Variants in ARID5A observed in about 807,000 individuals in gnomAD.
ARID5A encodes AT-rich interactive domain-containing protein 5A.
Under a neutral mutation model 30.5 loss-of-function variants are expected in ARID5A, and 14 were observed. The ratio of observed to expected loss-of-function variants is 0.46; its 90% CI spans 0.30 to 0.72. ARID5A has a LOEUF of 0.72. ARID5A is among the 30% of genes least tolerant of loss of function. The probability of loss-of-function intolerance (pLI) is 0.07; values close to 1 mark genes in which losing one functional copy is unlikely to be tolerated. For missense variants in ARID5A, 669 were observed against 786.2 expected, an observed-to-expected ratio of 0.85 and a Z score of 1.78; for synonymous variants, 338 against 340.4, an observed-to-expected ratio of 0.99 and a Z score of 0.08.
rs2065741126 is a variant in ARID5A, at chr2:96,536,845, G to A, written c.4+15G>A. ...CCGGGCCATGGGTAAGCGGCTCTGC[G>A]GCGCGGCCCGGACAGGGGCTCGGCG... On this transcript the variant is annotated intron_variant, in intron 1 of 6. Coordinates refer to ENST00000357485, the MANE Select transcript of ARID5A (RefSeq NM_212481.3). 8.2e-7 allele frequency: 1 copy of A among 1,226,522 alleles called. No individual in the cohort carries two copies. Among genetic ancestry groups the A allele is most frequent in the Non-Finnish European group, 1.0e-6 (1 of 984,444 alleles). The allele number at this position is 1,226,522 out of a possible 1,614,324, so 76.0% of individuals were successfully genotyped here. A position where few individuals can be genotyped will look rare whatever the true frequency, so the allele number is the denominator to read the frequency against.
intron 6 of ARID5A, 29 bp from the exon 7 acceptor site, chr2:96,551,070 T>C: frequency 6.3e-7 from 1 of 1,590,870 alleles, no homozygotes; most frequent in Admixed American, 1.7e-5. Context: ...GCTGAGGCAG[T>C]CCTGAGGCAA....
At chr2:96,536,909 C>A (rs990787300) in intron 1 of ARID5A, 79 bp downstream of exon 1, 1 of 1,221,452 alleles carries the variant, frequency 8.2e-7, no homozygotes. Flanking sequence ...GCCGGGTCCC[C>A]TCCAGCCCTC....
rs2065772435 is a variant in ARID5A, at chr2:96,537,989, G to A, written c.4+1159G>A. 2.0e-6 allele frequency: 2 copies of A among 985,374 alleles called. No individual in the cohort carries two copies. Among genetic ancestry groups the A allele is most frequent in the African/African-American group, 3.5e-5 (2 of 57,234 alleles). The allele number at this position is 985,374 out of a possible 1,614,324, so 61.0% of individuals were successfully genotyped here. On this transcript the variant is annotated intron_variant, in intron 1 of 6. Coordinates refer to ENST00000357485, the MANE Select transcript of ARID5A (RefSeq NM_212481.3). This position sits in a 1 kb window ranked among gnomAD's most constrained non-coding sequence, Gnocchi z 4.8. ...CCCACACGCACGGTGGCGTCACTGCGCCTACAGGCAACGCTAGAGCACAGG... is the reference window on the plus strand; with the variant it reads ...CCCACACGCACGGTGGCGTCACTGCACCTACAGGCAACGCTAGAGCACAGG...
chr2:96,536,916 C>T, intron 1 of ARID5A, 86 bp downstream of exon 1: 1 of 1,219,190 alleles, frequency 8.2e-7, no homozygotes, highest in Non-Finnish European at 1.0e-6. Context: ...CCCCTCCAGC[C>T]CTCGTGGCAG....
rs1046576050 is a variant in ARID5A at position 96,536,812 on chromosome 2, G to C, written c.-15G>C. On this transcript the variant is annotated 5_prime_UTR_variant, in exon 1 of 7. Transcript: ENST00000357485. ...TGAGGGTCTCGGGGCGGGCGCCGCG[G>C]GACCTCTCCGGGCCATGGGTAAGCG... The C allele has an allele frequency of 4.9e-6, 6 of 1,227,160 alleles. No homozygotes were observed. The Admixed American group carries it at 1.3e-4, about 26-fold the overall frequency. 76.0% of individuals were successfully genotyped at this position (1,227,160 alleles called of 1,614,324 possible).
chr2:96,551,352 G>A lies in ARID5A; in HGVS notation c.824G>A (p.Cys275Tyr). The A allele has an allele frequency of 6.2e-7, 1 of 1,613,084 alleles. No individual in the cohort carries two copies. The highest frequency in any genetic ancestry group is 1.1e-5 in the South Asian group (1 of 91,088). ...AQVSKVEALQ[C>Y]QEEGCRHGAE... ...GTGAGCAAGGTGGAGGCCTTGCAGTGCCAGGAGGAGGGCTGCCGCCATGGG... is the reference window on the plus strand; with the variant it reads ...GTGAGCAAGGTGGAGGCCTTGCAGTACCAGGAGGAGGGCTGCCGCCATGGG... The change falls in exon 7 of 7, where the codon TGC (cysteine) becomes TAC (tyrosine). Residue 275 changes from cysteine to tyrosine, a missense_variant. Transcript: ENST00000357485.
Position 96,550,103 on chromosome 2 carries a change from A to C in ARID5A, c.313-85A>C. The C allele has an allele frequency of 2.0e-6, 3 of 1,531,670 alleles. No individual in the cohort carries two copies. The highest frequency in any genetic ancestry group is 2.7e-5 in the African/African-American group (2 of 72,948). The allele number at this position is 1,531,670 out of a possible 1,614,324, so 94.9% of individuals were successfully genotyped here. A position where few individuals can be genotyped will look rare whatever the true frequency, so the allele number is the denominator to read the frequency against. ...GCAGCTGCCAAACTGCAGTCCTTCG[A>C]GTCCCTGCGAGGGCGGCCGGAGCTG... On this transcript the variant is annotated intron_variant, in intron 4 of 6. Transcript: ENST00000357485. This position sits in a 1 kb window ranked among gnomAD's most constrained non-coding sequence, Gnocchi z 6.6.
chr2:96,547,401 G>A lies in ARID5A; in HGVS notation c.5-1G>A. 2 of 1,613,314 alleles carry A rather than the reference G, an allele frequency of 1.2e-6. No individual in the cohort carries two copies. The highest frequency in any genetic ancestry group is 1.7e-6 in the Non-Finnish European group (2 of 1,179,584). On this transcript the variant is annotated splice_acceptor_variant, in intron 1 of 6. Transcript: ENST00000357485. LOFTEE classifies it high-confidence loss of function. ...CTTACTCCTTCCCTCTCTCCTTGCAGCAGCCCCTGTCAAAGGGAACAGGAA... is the reference window on the plus strand; with the variant it reads ...CTTACTCCTTCCCTCTCTCCTTGCAACAGCCCCTGTCAAAGGGAACAGGAA...
chr2:96,551,135 C>G lies in ARID5A; in HGVS notation c.607C>G (p.Pro203Ala). ...PGKTKADAAD[P>A]APLPSQEPPR... is the part of the protein sequence containing the mutation. ...AAAGACCAAAGCAGATGCTGCTGACCCAGCACCACTTCCCAGCCAGGAGCC... is the reference window on the plus strand; with the variant it reads ...AAAGACCAAAGCAGATGCTGCTGACGCAGCACCACTTCCCAGCCAGGAGCC... The change falls in exon 7 of 7, where the codon CCA (proline) becomes GCA (alanine). Residue 203 changes from proline (P) to alanine (A), a missense_variant. This residue lies in a region of ARID5A where 548 missense variants were observed against 577.4 expected (regional missense o/e 0.95). Transcript: ENST00000357485. The G allele has an allele frequency of 6.2e-7, 1 of 1,613,476 alleles. No individual in the cohort carries two copies. Among genetic ancestry groups the G allele is most frequent in the Non-Finnish European group, 8.5e-7 (1 of 1,179,788 alleles).
Position 96,552,610 on chromosome 2 carries a change from A to C in ARID5A, c.*297A>C. 7.0e-7 allele frequency: 1 copy of C among 1,438,334 alleles called. No homozygotes were observed. The highest frequency in any genetic ancestry group is 9.1e-7 in the Non-Finnish European group (1 of 1,092,924). The allele number at this position is 1,438,334 out of a possible 1,614,324, so 89.1% of individuals were successfully genotyped here. On this transcript the variant is annotated 3_prime_UTR_variant, in exon 7 of 7. Transcript: ENST00000357485. ...ACCCAGGTTGCCCACGGAAAATCCAATAAAAAGACACCAGTGTGAATCCAC... is the reference window on the plus strand; with the variant it reads ...ACCCAGGTTGCCCACGGAAAATCCACTAAAAAGACACCAGTGTGAATCCAC...
chr2:96,538,026 G>GTCGGGGC, intron 1 of ARID5A: 1 of 985,514 alleles, frequency 1.0e-6, no homozygotes, highest in Non-Finnish European at 1.2e-6. Context: ...GGGGTGGGAG[G>GTCGGGGC]TCGGGGCTCG....
chr2:96,549,876 C>T lies in ARID5A; in HGVS notation c.312+71C>T. On this transcript the variant is annotated intron_variant, in intron 4 of 6. Transcript: ENST00000357485. This position sits in a 1 kb window ranked among gnomAD's most constrained non-coding sequence, Gnocchi z 6.1. ...GGTGAGCCTGCAGCGCTGTCCTTGC[C>T]TCTGGACAGAGGAAGAGCCAGGATC... The T allele has an allele frequency of 6.4e-7, 1 of 1,569,806 alleles. No individual in the cohort carries two copies. The highest frequency in any genetic ancestry group is 8.7e-7 in the Non-Finnish European group (1 of 1,155,784).
chr2:96,538,219 C>T (rs1174973264), intron 1 of ARID5A: 9 of 985,368 alleles, frequency 9.1e-6, no homozygotes, highest in Admixed American at 6.1e-5. Flanking sequence ...ACGAAACCAT[C>T]TGAGGAGCTC....
At chr2:96,544,952 A>C (rs1461765457) in intron 1 of ARID5A, among the ~76,000 whole-genome samples, 1 of 152,154 alleles carries the variant, frequency 6.6e-6, no homozygotes, top group African/African-American at 2.4e-5. Flanking sequence ...TGAGGGCTTC[A>C]AGACTTCAGT....
intron 2 of ARID5A, among the ~76,000 whole-genome samples, chr2:96,548,028 C>T (rs917277450): frequency 6.6e-5 from 10 of 152,158 alleles, no homozygotes; most frequent in Non-Finnish European, 1.5e-4. Context: ...AGCAGCTTGC[C>T]AGGAATTCAG....
chr2:96,536,822 G>C lies in ARID5A; in HGVS notation c.-5G>C. On this transcript the variant is annotated 5_prime_UTR_variant, in exon 1 of 7. Transcript: ENST00000357485. ...GGGGCGGGCGCCGCGGGACCTCTCC[G>C]GGCCATGGGTAAGCGGCTCTGCGGC... 1.6e-6 allele frequency: 2 copies of C among 1,212,968 alleles called. No homozygotes were observed. The highest frequency in any genetic ancestry group is 1.0e-6 in the Non-Finnish European group (1 of 976,340). The allele number at this position is 1,212,968 out of a possible 1,614,324, so 75.1% of individuals were successfully genotyped here. A position where few individuals can be genotyped will look rare whatever the true frequency, so the allele number is the denominator to read the frequency against.
rs1049773417 is a variant in ARID5A at position 96,552,564 on chromosome 2, C to T, written c.*251C>T. ...GGGAGAGGATGGGCAGCTCCCACTG[C>T]CCCAGAGCGGAGCTCGAAGCACCCA... On this transcript the variant is annotated 3_prime_UTR_variant, in exon 7 of 7. Transcript: ENST00000357485. 24 of 1,511,250 alleles carry T rather than the reference C, an allele frequency of 1.6e-5. No homozygotes were observed. Among genetic ancestry groups the T allele is most frequent in the Non-Finnish European group, 1.9e-5 (22 of 1,135,422 alleles). The allele number at this position is 1,511,250 out of a possible 1,614,324, so 93.6% of individuals were successfully genotyped here. A position where few individuals can be genotyped will look rare whatever the true frequency, so the allele number is the denominator to read the frequency against.
At position 96,550,483 on chromosome 2, in the gene ARID5A, C is replaced by A. The variant is rs1306314549; in HGVS notation, c.411-91C>A. 1 of 1,472,038 alleles carries A rather than the reference C, an allele frequency of 6.8e-7. No homozygotes were observed. Among genetic ancestry groups the A allele is most frequent in the Non-Finnish European group, 9.0e-7 (1 of 1,108,710 alleles). 91.2% of individuals were successfully genotyped at this position (1,472,038 alleles called of 1,614,324 possible). A position where few individuals can be genotyped will look rare whatever the true frequency, so the allele number is the denominator to read the frequency against. ...GACCAGGAGAGGGCCTTCCTCGGCG[C>A]CGGCGGGGAAGGGGGCTCAGAGGAG... On this transcript the variant is annotated intron_variant, in intron 5 of 6. Transcript: ENST00000357485. This position sits in a 1 kb window ranked among gnomAD's most constrained non-coding sequence, Gnocchi z 6.6.
At position 96,550,562 on chromosome 2, in the gene ARID5A, G is replaced by A; in HGVS notation, c.411-12G>A. Reference sequence around the variant, plus strand: ...GCCGGCCTCCTGGGGGACATGCGTGGTTCCTCACCAGGCTGGTCCTGCCAT... The same window carrying A: ...GCCGGCCTCCTGGGGGACATGCGTGATTCCTCACCAGGCTGGTCCTGCCAT... On this transcript the variant is annotated splice_polypyrimidine_tract_variant and intron_variant, in intron 5 of 6. Transcript: ENST00000357485. This position sits in a 1 kb window ranked among gnomAD's most constrained non-coding sequence, Gnocchi z 6.6. The A allele has an allele frequency of 6.3e-7, 1 of 1,590,462 alleles. No individual in the cohort carries two copies. The highest frequency in any genetic ancestry group is 8.5e-7 in the Non-Finnish European group (1 of 1,169,698).
Sources: gnomAD v4.1 joint callset for allele counts (sites outside exome capture counted in the v4.1 genomes callset) on GRCh38, gnomAD v4.1.1 for gene constraint, gnomAD v4.1.1 regional missense constraint, Gnocchi (gnomAD v3.1) non-coding constraint, MANE v1.5 for transcripts, NCBI Gene and HGNC (gene_info 2026-07-23, HGNC 2026-07-21) for gene names.